The following ZNF529 variants were observed in gnomAD, a reference collection of about 807,000 sequenced individuals.
The protein encoded by ZNF529 is zinc finger protein 529.
ZNF529 carries 11 observed loss-of-function variants against 10.1 expected under a neutral mutation model. The ratio of observed to expected loss-of-function variants is 1.09; its 90% CI spans 0.69 to 1.81. ZNF529 has a LOEUF of 1.81. ZNF529 is among the 40% of genes most tolerant of loss of function. ZNF529 has a pLI of 0.00. For missense variants in ZNF529, 624 were observed against 666.8 expected (o/e 0.94, Z 0.71); for synonymous variants, 204 against 215.7 (o/e 0.95, Z 0.47).
At chr19:36,573,427 C>T, upstream of ZNF529, 1 of 470,708 alleles carries the variant, frequency 2.1e-6, no homozygotes, top group South Asian at 1.5e-5. Flanking sequence ...CGCCCCAGAC[C>T]CTGGAGTTTC....
At chr19:36,549,980 G>T (rs1297249121) in intron 4 of ZNF529, among the ~76,000 whole-genome samples, 1 of 152,180 alleles carries the variant, frequency 6.6e-6, no homozygotes, top group Non-Finnish European at 1.5e-5. Context: ...TATGAAGAAG[G>T]TGGTCTAGGT....
chr19:36,577,095 G>A (rs1301237042), upstream of ZNF529: 4 of 431,390 alleles, frequency 9.3e-6, no homozygotes, highest in South Asian at 6.7e-5. Flanking sequence ...TGGGACCACA[G>A]GCACCCACTA....
chr19:36,573,276 C>T lies in ZNF529; in HGVS notation c.-183G>A. The T allele has an allele frequency of 3.1e-6, 1 of 322,252 alleles. No homozygotes were observed. The highest frequency in any genetic ancestry group is 2.3e-5 in the South Asian group (1 of 44,440). The allele number at this position is 322,252 out of a possible 1,614,324, so 20.0% of individuals were successfully genotyped here. A position where few individuals can be genotyped will look rare whatever the true frequency, so the allele number is the denominator to read the frequency against. On this transcript the variant is annotated 5_prime_UTR_variant, in exon 1 of 5. Coordinates refer to ENST00000591340, the MANE Select transcript of ZNF529 (RefSeq NM_020951.5). ...GCCCGGGTCACCTCGACTCGCCAGG[C>T]TTAACTCAATAACCACAACACCGGA...
intron 2 of ZNF529, among the ~76,000 whole-genome samples, chr19:36,588,145 CAAAAT>C (rs941602579): frequency 4.6e-5 from 7 of 151,902 alleles, no homozygotes; most frequent in African/African-American, 1.5e-4. Flanking sequence ...AAGACTCTCT[CAAAAT>C]AAAATAAAAT....
chr19:36,543,822 C>T lies in ZNF529; in HGVS notation c.*3044G>A, dbSNP rs1262036649. 6.6e-6 allele frequency: 1 copy of T among 151,954 alleles called. No homozygotes were observed. The highest frequency in any genetic ancestry group is 2.4e-5 in the African/African-American group (1 of 41,354). 9.4% of individuals were successfully genotyped at this position (151,954 alleles called of 1,614,324 possible). A position where few individuals can be genotyped will look rare whatever the true frequency, so the allele number is the denominator to read the frequency against. ...AATTAGAATCACATTCTTATGTCCT[C>T]ATTGCCCTATGTCCAAATACAATCA... On this transcript the variant is annotated 3_prime_UTR_variant, in exon 5 of 5. Coordinates refer to ENST00000591340, the MANE Select transcript of ZNF529 (RefSeq NM_020951.5).
chr19:36,572,271 C>T (rs2145206693), intron 2 of ZNF529, 62 bp downstream of exon 2: 1 of 1,537,888 alleles, frequency 6.5e-7, no homozygotes, highest in Admixed American at 2.0e-5. Flanking sequence ...CTCTACGGTC[C>T]TGTTGTTAAT....
At chr19:36,597,236 A>C (rs1046414289) in intron 1 of ZNF529, among the ~76,000 whole-genome samples, 2 of 152,190 alleles carry the variant, frequency 1.3e-5, no homozygotes, top group African/African-American at 4.8e-5. Context: ...TAAATTACTA[A>C]TTTAATTACT....
chr19:36,567,027 A>C (rs1252360401), intron 2 of ZNF529, among the ~76,000 whole-genome samples: 1 of 152,132 alleles, frequency 6.6e-6, no homozygotes, highest in Non-Finnish European at 1.5e-5. Context: ...AAAAAAAAAA[A>C]AATTCATATG....
At chr19:36,574,193 A>G (rs1027607421), upstream of ZNF529, among the ~76,000 whole-genome samples, 10 of 152,202 alleles carry the variant, frequency 6.6e-5, no homozygotes, top group Admixed American at 3.3e-4. Context: ...TGAGACACCA[A>G]TCAAATACAT....
upstream of ZNF529, chr19:36,577,494 CT>C (rs775727195): frequency 4.2e-3 from 593 of 140,914 alleles, no homozygotes; most frequent in South Asian, 0.011. Context: ...ATTGTACTCT[CT>C]TTTTTTTTTT....
intron 1 of ZNF529, among the ~76,000 whole-genome samples, chr19:36,598,958 T>C (rs1357864538): frequency 6.6e-6 from 1 of 152,170 alleles, no homozygotes; most frequent in African/African-American, 2.4e-5. Context: ...ACTAACAACA[T>C]TACCCACAGA....
chr19:36,582,307 G>A (rs1375923200), intron 2 of ZNF529: 1 of 152,104 alleles, frequency 6.6e-6, no homozygotes, highest in Non-Finnish European at 1.5e-5. Flanking sequence ...TAAATTTTAT[G>A]TTACATGTAT....
intron 2 of ZNF529, among the ~76,000 whole-genome samples, chr19:36,560,615 G>A (rs1017683053): frequency 6.6e-6 from 1 of 151,606 alleles, no homozygotes; most frequent in Non-Finnish European, 1.5e-5. Context: ...ACTTATATAA[G>A]GTAAAAATTA....
Position 36,603,977 on chromosome 19 carries a change from C to G in ZNF529, c.-128+1149G>C, listed in dbSNP as rs372356876. Among the ~76,000 whole-genome samples, 10 of 152,064 alleles carry G rather than the reference C, an allele frequency of 6.6e-5. No individual in the cohort carries two copies. The East Asian group carries it at 9.6e-4, about 15-fold the overall frequency. On this transcript the variant is annotated intron_variant, in intron 1 of 4. Coordinates refer to the ZNF529 transcript ENST00000585960. Reference sequence around the variant, plus strand: ...GGTGGATCACCTGAGGTCAGGAGTTCGAGACCAGTCTGACCAACATGGTGA... The same window carrying G: ...GGTGGATCACCTGAGGTCAGGAGTTGGAGACCAGTCTGACCAACATGGTGA...
intron 1 of ZNF529, 70 bp from the exon 2 acceptor site, chr19:36,572,462 A>G (rs981248455): frequency 7.9e-7 from 1 of 1,258,386 alleles, no homozygotes; most frequent in East Asian, 2.6e-5. Flanking sequence ...AGTGTTCACC[A>G]CCAGAAAAGC....
chr19:36,554,942 G>T, intron 3 of ZNF529, 146 bp from the exon 4 acceptor site: 1 of 613,106 alleles, frequency 1.6e-6, no homozygotes, highest in Non-Finnish European at 2.5e-6. Flanking sequence ...AAGGAAATTA[G>T]TGCTTCCAAA....
At chr19:36,581,334 T>A (rs968845046) in intron 2 of ZNF529, 49 of 152,096 alleles carry the variant, frequency 3.2e-4, no homozygotes, top group African/African-American at 1.1e-3. Context: ...TTTTGAAATA[T>A]GAAAAAGTGA....
chr19:36,564,794 C>G (rs574043325), intron 2 of ZNF529, among the ~76,000 whole-genome samples: 4 of 152,270 alleles, frequency 2.6e-5, no homozygotes, highest in Non-Finnish European at 4.4e-5. Flanking sequence ...GACACATGCA[C>G]TCATGTTCAT....
At chr19:36,554,817 A>G (rs756055416) in intron 3 of ZNF529, 21 bp from the exon 4 acceptor site, 2 of 1,507,670 alleles carry the variant, frequency 1.3e-6, no homozygotes, top group Non-Finnish European at 8.9e-7. Flanking sequence ...AAACCCGTAC[A>G]TTACAGGTAA....
Sources: allele counts gnomAD v4.1 joint callset (sites outside exome capture counted in the v4.1 genomes callset), GRCh38; gene constraint gnomAD v4.1.1; transcripts MANE v1.5; gene names NCBI Gene and HGNC (gene_info 2026-07-23, HGNC 2026-07-21).